HNF1B: variants seen among roughly 807,000 people sequenced by gnomAD.
HNF1B encodes HNF1 homeobox B.
A neutral mutation model predicts 61.7 loss-of-function variants in HNF1B; 8 were observed. The ratio of observed to expected loss-of-function variants is 0.13; its 90% CI spans 0.08 to 0.23. The LOEUF is 0.23. Ranked by LOEUF, HNF1B falls within the 10% of genes least tolerant of loss-of-function variation. The probability of loss-of-function intolerance (pLI) is 1.00; values close to 1 mark genes in which losing one functional copy is unlikely to be tolerated. For missense variants in HNF1B, 562 were observed against 714.5 expected, an observed-to-expected ratio of 0.79 and a Z score of 2.43; for synonymous variants, 314 against 287.7, an observed-to-expected ratio of 1.09 and a Z score of -0.93.
At chr17:37,737,727 T>G (rs917859813) in intron 2 of HNF1B, among the ~76,000 whole-genome samples, 1 of 150,936 alleles carries the variant, frequency 6.6e-6, no homozygotes, top group Non-Finnish European at 1.5e-5. Context: ...CCCAGCTACT[T>G]GGGAGGCTGA....
intron 4 of HNF1B, among the ~76,000 whole-genome samples, chr17:37,711,022 G>C (rs1468008067): frequency 6.6e-6 from 1 of 152,202 alleles, no homozygotes; most frequent in Non-Finnish European, 1.5e-5. Flanking sequence ...GAGGATTTGG[G>C]GGTTGAGACT....
At position 37,731,641 on chromosome 17, in the gene HNF1B, G is replaced by A. The variant is rs543142909; in HGVS notation, c.999C>T (p.Gly333=). The change falls in exon 4 of 9, where the codon GGC becomes GGT. Residue 333 remains glycine, a synonymous_variant. Coordinates refer to ENST00000617811, the MANE Select transcript of HNF1B (RefSeq NM_000458.4). ...THSLNPLLSH[G]SPHHQPSSSP... is the part of the protein sequence containing the mutation. ...AGGAGCTGGGCTGGTGGTGGGGGGA[G>A]CCGTGGGAGAGCAGAGGGTTCAGGC... 1.9e-6 allele frequency: 3 copies of A among 1,614,076 alleles called. No individual in the cohort carries two copies. The highest frequency in any genetic ancestry group is 1.3e-5 in the African/African-American group (1 of 75,064).
chr17:37,744,486 G>A (rs1304040811), intron 1 of HNF1B, 55 bp downstream of exon 1: 2 of 1,568,144 alleles, frequency 1.3e-6, no homozygotes, highest in Non-Finnish European at 8.7e-7. Context: ...ACTCAGGCCC[G>A]GGGCCGGGGC....
At chr17:37,734,513 G>T (rs2033778403) in intron 2 of HNF1B, among the ~76,000 whole-genome samples, 1 of 152,178 alleles carries the variant, frequency 6.6e-6, no homozygotes, top group African/African-American at 2.4e-5. Context: ...GGCATACTGT[G>T]ACCATCAGGA....
At chr17:37,691,912 G>A (rs1162322032) in intron 8 of HNF1B, among the ~76,000 whole-genome samples, 2 of 152,102 alleles carry the variant, frequency 1.3e-5, no homozygotes, top group African/African-American at 2.4e-5. Flanking sequence ...ACTGCTCTGG[G>A]GGCCCTCTCT....
At chr17:37,740,304 G>A (rs1347491480) in intron 1 of HNF1B, among the ~76,000 whole-genome samples, 1 of 152,122 alleles carries the variant, frequency 6.6e-6, no homozygotes, top group Non-Finnish European at 1.5e-5. Flanking sequence ...CCTGCAATGT[G>A]GGAGATTTAA....
chr17:37,739,710 G>C, intron 1 of HNF1B, 71 bp from the exon 2 acceptor site: 2 of 1,350,838 alleles, frequency 1.5e-6, no homozygotes, highest in South Asian at 1.2e-5. Context: ...TTTCTAGGGG[G>C]TGCTACCTAT....
chr17:37,693,189 C>CAAAAA (rs11464180), intron 8 of HNF1B, among the ~76,000 whole-genome samples: 21 of 47,688 alleles, frequency 4.4e-4, no homozygotes, highest in East Asian at 2.0e-3. Flanking sequence ...GATTCCATCT[C>CAAAAA]AAAAAAAAAA....
At chr17:37,739,150 T>C (rs2033917338) in intron 2 of HNF1B, among the ~76,000 whole-genome samples, 1 of 151,996 alleles carries the variant, frequency 6.6e-6, no homozygotes, top group Non-Finnish European at 1.5e-5. Flanking sequence ...ACCTACTTGG[T>C]TTCAAAGAGA....
At chr17:37,701,596 C>T (rs1331512250) in intron 6 of HNF1B, among the ~76,000 whole-genome samples, 3 of 152,198 alleles carry the variant, frequency 2.0e-5, no homozygotes, top group Non-Finnish European at 2.9e-5. Context: ...TTGCCCAGAT[C>T]GGTCTGTCCA....
intron 1 of HNF1B, among the ~76,000 whole-genome samples, chr17:37,743,635 G>C (rs1270930074): frequency 6.6e-6 from 1 of 152,208 alleles, no homozygotes; most frequent in Non-Finnish European, 1.5e-5. Flanking sequence ...GCCCGGGAGC[G>C]ACGTGCTGTC....
intron 1 of HNF1B, among the ~76,000 whole-genome samples, chr17:37,743,471 G>A (rs370485102): frequency 6.6e-6 from 1 of 152,358 alleles, no homozygotes; most frequent in African/African-American, 2.4e-5. Context: ...TTTGGCTAGA[G>A]GGCAAACCGC....
chr17:37,713,503 C>G (rs1022683596), intron 4 of HNF1B, among the ~76,000 whole-genome samples: 1 of 152,180 alleles, frequency 6.6e-6, no homozygotes, highest in Non-Finnish European at 1.5e-5. Flanking sequence ...TTCTCCCCAA[C>G]AAAACTTTAT....
intron 8 of HNF1B, among the ~76,000 whole-genome samples, chr17:37,693,256 G>A (rs1598799111): frequency 6.7e-6 from 1 of 149,364 alleles, no homozygotes; most frequent in East Asian, 2.0e-4. Context: ...AAGGATCACA[G>A]ACGGGAGAGA....
intron 2 of HNF1B, 39 bp from the exon 3 acceptor site, chr17:37,733,860 C>T (rs2033760117): frequency 6.2e-7 from 1 of 1,601,866 alleles, no homozygotes; most frequent in Non-Finnish European, 8.5e-7. Flanking sequence ...GGGTCTGTAG[C>T]CTTCACTCAG....
At chr17:37,697,244 G>A (rs142632223) in intron 8 of HNF1B, among the ~76,000 whole-genome samples, 4 of 152,328 alleles carry the variant, frequency 2.6e-5, no homozygotes, top group African/African-American at 7.2e-5. Flanking sequence ...AACGTGCCAC[G>A]TGAGTATTTT....
chr17:37,726,616 G>GTATC (rs1470423429), intron 4 of HNF1B, among the ~76,000 whole-genome samples: 3 of 152,176 alleles, frequency 2.0e-5, no homozygotes, highest in Non-Finnish European at 4.4e-5. Context: ...ATTCCCTCAG[G>GTATC]TAACCTGGGA....
Position 37,721,595 on chromosome 17 carries a change from C to T in HNF1B, c.1045+10000G>A, listed in dbSNP as rs558654521. Among the ~76,000 whole-genome samples the T allele has an allele frequency of 1.2e-4, 18 of 152,232 alleles. No homozygotes were observed. In the East Asian group the frequency reaches 3.3e-3, roughly 28 times the overall value. On this transcript the variant is annotated intron_variant, in intron 4 of 8. Transcript: ENST00000617811. The stretch of plus-strand genomic sequence containing the variant: ...GAATCCTAGTCCAAGGCCCCTCACC[C>T]CGGCTGCTTCTCTTTTCCCATTTCA...
intron 5 of HNF1B, among the ~76,000 whole-genome samples, chr17:37,705,381 A>G (rs1486205661): frequency 6.6e-6 from 1 of 152,234 alleles, no homozygotes; most frequent in African/African-American, 2.4e-5. Context: ...ATAGAGCAGT[A>G]AGTAAAACAG....
Sources: gnomAD v4.1 joint callset for allele counts (sites outside exome capture counted in the v4.1 genomes callset) on GRCh38, gnomAD v4.1.1 for gene constraint, MANE v1.5 for transcripts, NCBI Gene and HGNC (gene_info 2026-07-23, HGNC 2026-07-21) for gene names.